NCR1: variants seen among roughly 807,000 people sequenced by gnomAD.
The protein encoded by NCR1 is NK cell-activating receptor.
In NCR1, 30 loss-of-function variants were observed where a neutral mutation model predicts 32.5. The observed-to-expected ratio is 0.92, with a 90% confidence interval of 0.69 to 1.25. The LOEUF is 1.25. Among genes scored for constraint, NCR1 ranks in the 50% most tolerant of loss-of-function variants. NCR1 has a pLI of 0.00. For synonymous variants in NCR1, 169 were observed against 143.4 expected, an observed-to-expected ratio of 1.18 and a Z score of -1.28; for missense variants, 369 against 380.7, an observed-to-expected ratio of 0.97 and a Z score of 0.26.
intron 5 of NCR1, among the ~76,000 whole-genome samples, chr19:54,911,041 GC>G (rs1355236921): frequency 1.3e-5 from 2 of 152,130 alleles, no homozygotes; most frequent in African/African-American, 4.8e-5. Flanking sequence ...GGCCTGGGGC[GC>G]ACGGCTAGGA....
chr19:54,936,324 C>T, the NCR1 span: 12 of 1,613,712 alleles, frequency 7.4e-6, no homozygotes, highest in Admixed American at 5.0e-5. Flanking sequence ...CATCATCGTG[C>T]GTTCCCACTC....
chr19:54,909,286 G>C lies in NCR1; in HGVS notation c.397G>C (p.Glu133Gln), dbSNP rs73619955. Reference sequence around the variant, plus strand: ...CACCCTCTCGGTTCATCCTGGACCCGAAGTGATCTCGGGAGAGAAGGTGAC... The same window carrying C: ...CACCCTCTCGGTTCATCCTGGACCCCAAGTGATCTCGGGAGAGAAGGTGAC... The part of the protein sequence containing the change: ...TPTLSVHPGP[E>Q]VISGEKVTFY... The change falls in exon 4 of 7, where the codon GAA becomes CAA. Residue 133 changes from glutamate to glutamine, a missense_variant. Physicochemically the swap from Glu to Gln is conservative, Grantham distance 29. Coordinates refer to ENST00000291890, the MANE Select transcript of NCR1 (RefSeq NM_004829.7). 1.2e-6 allele frequency: 2 copies of C among 1,614,082 alleles called. No homozygotes were observed. Among genetic ancestry groups the C allele is most frequent in the Non-Finnish European group, 8.5e-7 (1 of 1,179,996 alleles).
chr19:54,931,146 G>A, the NCR1 span, among the ~76,000 whole-genome samples: 10 of 152,278 alleles, frequency 6.6e-5, no homozygotes, highest in South Asian at 6.2e-4. Flanking sequence ...CAAATGGGCC[G>A]GGCACAGTGG....
At chr19:54,924,442 G>C in the NCR1 span, among the ~76,000 whole-genome samples, 1 of 152,218 alleles carries the variant, frequency 6.6e-6, no homozygotes, top group East Asian at 1.9e-4. Flanking sequence ...GGGCAACACG[G>C]TGAAACCCTG....
chr19:54,909,437 C>T lies in NCR1; in HGVS notation c.548C>T (p.Ala183Val), dbSNP rs587594109. 1 of 1,613,366 alleles carries T rather than the reference C, an allele frequency of 6.2e-7. No homozygotes were observed. Among genetic ancestry groups the T allele is most frequent in the African/African-American group, 1.3e-5 (1 of 75,006 alleles). Residue 183 changes from alanine to valine, a missense_variant, in exon 4 of 7, where the codon GCC becomes GTC. Physicochemically the swap from Ala to Val is moderately conservative, Grantham distance 64 (BLOSUM62 0). Transcript: ENST00000291890. ...AEFPLGPVTT[A>V]HRGTYRCFGS... ...TTCCCCCTGGGCCCTGTGACCACAG[C>T]CCACAGAGGGACATACCGATGTTTT...
the NCR1 span, among the ~76,000 whole-genome samples, chr19:54,935,165 A>T: frequency 6.6e-6 from 1 of 151,996 alleles, no homozygotes; most frequent in Non-Finnish European, 1.5e-5. Context: ...TCTCCAAGAG[A>T]TTGTAATACA....
the NCR1 span, chr19:54,933,779 T>G: frequency 6.4e-7 from 1 of 1,563,732 alleles, no homozygotes; most frequent in South Asian, 1.1e-5. Flanking sequence ...GATGAGAACA[T>G]TTCCACAACT....
the NCR1 span, chr19:54,936,344 T>C: frequency 6.2e-7 from 1 of 1,614,114 alleles, no homozygotes; most frequent in Non-Finnish European, 8.5e-7. Context: ...CGATGTGCCC[T>C]GCCAGGGTCA....
chr19:54,918,302 G>C (rs1323773285), downstream of NCR1, among the ~76,000 whole-genome samples: 1 of 151,704 alleles, frequency 6.6e-6, no homozygotes, highest in African/African-American at 2.4e-5. Flanking sequence ...GTCTCGCTCT[G>C]TTACCCAGGC....
the NCR1 span, chr19:54,927,566 A>T: frequency 6.9e-5 from 108 of 1,555,126 alleles, no homozygotes; most frequent in Middle Eastern, 1.5e-3. Context: ...AAAAAAACAA[A>T]AACAAAAAAC....
At chr19:54,899,905 G>C in the NCR1 span, among the ~76,000 whole-genome samples, 2 of 152,142 alleles carry the variant, frequency 1.3e-5, no homozygotes, top group South Asian at 2.1e-4. Context: ...CGAATAAAGC[G>C]CGTCTCCTGT....
rs587766561 is a variant in NCR1, at chr19:54,906,481, G to A, written c.71-42G>A. On this transcript the variant is annotated intron_variant, in intron 2 of 6. Coordinates refer to ENST00000291890, the MANE Select transcript of NCR1 (RefSeq NM_004829.7). Reference sequence around the variant, plus strand: ...GCTGGGTGGAGCCTAAGGTTGGGGGGAGGGGGCTCCGCTGGAACTCCAGCC... The same window carrying A: ...GCTGGGTGGAGCCTAAGGTTGGGGGAAGGGGGCTCCGCTGGAACTCCAGCC... 170 of 1,599,772 alleles carry A rather than the reference G, an allele frequency of 1.1e-4. No homozygotes were observed. The Middle Eastern group carries it at 1.3e-3, about 12-fold the overall frequency.
chr19:54,903,399 TATGTATGTATACACGCATAC>T (rs1373146601), upstream of NCR1, among the ~76,000 whole-genome samples: 19 of 139,730 alleles, frequency 1.4e-4, no homozygotes, highest in Middle Eastern at 3.8e-3. Flanking sequence ...CATATATGTA[TATGTATGTATACACGCATAC>T]ATGTATGTAT....
chr19:54,931,792 G>T, the NCR1 span, among the ~76,000 whole-genome samples: 1 of 151,826 alleles, frequency 6.6e-6, no homozygotes, highest in Non-Finnish European at 1.5e-5. Context: ...GGAGGTTGCA[G>T]TGAGCCAAGA....
upstream of NCR1, among the ~76,000 whole-genome samples, chr19:54,903,443 TA>T (rs2067358505): frequency 2.3e-5 from 3 of 128,494 alleles, no homozygotes; most frequent in East Asian, 1.0e-3. Context: ...CGCATACATG[TA>T]TGTATATACA....
upstream of NCR1, among the ~76,000 whole-genome samples, chr19:54,904,940 G>A (rs374463184): frequency 1.3e-5 from 2 of 152,176 alleles, no homozygotes; most frequent in Non-Finnish European, 2.9e-5. Context: ...GCTGTATAGC[G>A]TTCTGTGGTG....
At chr19:54,910,829 T>A (rs2067934640) in intron 5 of NCR1, among the ~76,000 whole-genome samples, 1 of 152,164 alleles carries the variant, frequency 6.6e-6, no homozygotes, top group African/African-American at 2.4e-5. Context: ...TTTGTCCAGA[T>A]GGACCTCACA....
At chr19:54,917,698 G>A (rs1235664799), downstream of NCR1, among the ~76,000 whole-genome samples, 6 of 152,204 alleles carry the variant, frequency 3.9e-5, no homozygotes, top group Admixed American at 2.6e-4. Context: ...CAATGCCCAT[G>A]GTAATTTTTA....
upstream of NCR1, among the ~76,000 whole-genome samples, chr19:54,902,634 G>T (rs74893749): frequency 0.015 from 2,347 of 152,158 alleles, 24 homozygotes; most frequent in Non-Finnish European, 0.022. Context: ...AATAATAAAA[G>T]ACAATATTCT....
Sources: gnomAD v4.1 joint callset for allele counts (sites outside exome capture counted in the v4.1 genomes callset) on GRCh38, gnomAD v4.1.1 for gene constraint, MANE v1.5 for transcripts, NCBI Gene and HGNC (gene_info 2026-07-23, HGNC 2026-07-21) for gene names.